MKRN2OS: variants seen among roughly 807,000 people sequenced by gnomAD.
MKRN2OS encodes the protein MKRN2 opposite strand, also known as MKRN2 opposite strand protein.
Under a neutral mutation model 18.2 loss-of-function variants are expected in MKRN2OS, and 17 were observed. The ratio of observed to expected loss-of-function variants is 0.93; its 90% confidence interval spans 0.64 to 1.40. MKRN2OS has a LOEUF of 1.40. MKRN2OS is among the 40% of genes most tolerant of loss of function. MKRN2OS has a pLI of 0.00. For missense variants in MKRN2OS, 337 were observed against 283.0 expected (o/e 1.19, Z -1.37); for synonymous variants, 121 against 108.5 (o/e 1.12, Z -0.72).
chr3:12,544,604 C>T (rs1575504945), intron 1 of MKRN2OS, among the ~76,000 whole-genome samples: 2 of 151,984 alleles, frequency 1.3e-5, no homozygotes, highest in Admixed American at 1.3e-4. Context: ...ATCGCTTGAA[C>T]CCGGGAGGTG....
downstream of MKRN2OS, among the ~76,000 whole-genome samples, chr3:12,552,183 G>T (rs2057934649): frequency 6.6e-6 from 1 of 151,682 alleles, no homozygotes; most frequent in African/African-American, 2.4e-5. Context: ...GCTGGGCGGG[G>T]TGGTGGGCGC....
At position 12,558,127 on chromosome 3, in the gene MKRN2OS, AAC is replaced by A. The variant is rs2057998966; in HGVS notation, n.264+2628_264+2629del. ...AAACAGTTATAGAGTTTGTGTAATA[AAC>A]AGTTTATTTTCTATGTTGTTACTTC... On this transcript the variant is annotated intron_variant and non_coding_transcript_variant, in intron 1 of 1. Coordinates refer to the MKRN2OS transcript ENST00000447550. Among the ~76,000 whole-genome samples, 6 of 152,350 alleles carry A rather than the reference AAC, an allele frequency of 3.9e-5. No individual in the cohort carries two copies. The South Asian group carries it at 1.2e-3, about 32-fold the overall frequency.
In MKRN2OS at chr3:12,542,040, A is replaced by T. The variant is rs984808637; in HGVS notation, c.269-18T>A. 16 of 1,526,696 alleles carry T rather than the reference A, an allele frequency of 1.0e-5. No homozygotes were observed. In the African/African-American group the frequency reaches 1.6e-4, roughly 16 times the overall value. The allele number at this position is 1,526,696 out of a possible 1,614,324, so 94.6% of individuals were successfully genotyped here. A position where few individuals can be genotyped will look rare whatever the true frequency, so the allele number is the denominator to read the frequency against. Reference sequence around the variant, plus strand: ...CACAACCCCTGCAAATCAAAACCAAAGTCATGTGGAGCCCCAAGGAAACAC... The same window carrying T: ...CACAACCCCTGCAAATCAAAACCAATGTCATGTGGAGCCCCAAGGAAACAC... On this transcript the variant is annotated intron_variant, in intron 2 of 3. Coordinates refer to ENST00000564146, the MANE Select transcript of MKRN2OS (RefSeq NM_001195279.2).
At chr3:12,551,880 G>A (rs1201845152), downstream of MKRN2OS, among the ~76,000 whole-genome samples, 1 of 151,844 alleles carries the variant, frequency 6.6e-6, no homozygotes, top group Non-Finnish European at 1.5e-5. Flanking sequence ...GGAGGTGGAG[G>A]TTGCAGAGTT....
intron 1 of MKRN2OS, among the ~76,000 whole-genome samples, chr3:12,554,588 AC>A (rs1335334741): frequency 2.0e-5 from 3 of 152,074 alleles, no homozygotes; most frequent in African/African-American, 7.2e-5. Context: ...ATTTGCACAG[AC>A]ACCCTAAAGG....
chr3:12,559,427 G>A (rs1329372485), intron 1 of MKRN2OS, among the ~76,000 whole-genome samples: 1 of 152,000 alleles, frequency 6.6e-6, no homozygotes, highest in Admixed American at 6.6e-5. Flanking sequence ...TTTTTTGTGG[G>A]TTTTGTTTGT....
intron 1 of MKRN2OS, among the ~76,000 whole-genome samples, chr3:12,556,355 A>C (rs1280806733): frequency 2.9e-5 from 4 of 137,868 alleles, no homozygotes; most frequent in Non-Finnish European, 6.1e-5. Context: ...CCGTCTCAAA[A>C]AAATAAAAAA....
rs187764314 is a variant in MKRN2OS, at chr3:12,540,445, G to C, written c.432-12C>G. Reference sequence around the variant, plus strand: ...GGTTGTCTTCATACCTTATGGAGGAGAATAAGGGTGTTGAGAAGAAAAGGC... The same window carrying C: ...GGTTGTCTTCATACCTTATGGAGGACAATAAGGGTGTTGAGAAGAAAAGGC... On this transcript the variant is annotated splice_polypyrimidine_tract_variant and intron_variant, in intron 3 of 3. Coordinates refer to ENST00000564146, the MANE Select transcript of MKRN2OS (RefSeq NM_001195279.2). 657 of 1,536,012 alleles carry C rather than the reference G, an allele frequency of 4.3e-4. No homozygotes were observed. Among genetic ancestry groups the C allele is most frequent in the Non-Finnish European group, 5.4e-4 (616 of 1,146,808 alleles).
Position 12,540,164 on chromosome 3 carries a change from C to T in MKRN2OS, c.*29G>A, listed in dbSNP as rs1428114615. The T allele has an allele frequency of 3.3e-6, 5 of 1,535,802 alleles. No homozygotes were observed. In the East Asian group the frequency reaches 7.3e-5, roughly 23 times the overall value. On this transcript the variant is annotated 3_prime_UTR_variant, in exon 4 of 4. Coordinates refer to ENST00000564146, the MANE Select transcript of MKRN2OS (RefSeq NM_001195279.2). Reference sequence around the variant, plus strand: ...TTAAAGGTAGCAACCACCCTACCCTCCAGCGTCCAGGCTGCGCTTACATAG... The same window carrying T: ...TTAAAGGTAGCAACCACCCTACCCTTCAGCGTCCAGGCTGCGCTTACATAG...
At chr3:12,547,759 G>T (rs2057896752), upstream of MKRN2OS, among the ~76,000 whole-genome samples, 1 of 152,090 alleles carries the variant, frequency 6.6e-6, no homozygotes, top group African/African-American at 2.4e-5. Context: ...CACAGAGAAG[G>T]TGTCATGGCA....
chr3:12,543,105 T>A, intron 2 of MKRN2OS, 75 bp downstream of exon 2: 1 of 1,226,748 alleles, frequency 8.2e-7, no homozygotes, highest in Non-Finnish European at 1.1e-6. Context: ...GATGTTGCCA[T>A]AATCAAATCT....
chr3:12,541,995 C>G lies in MKRN2OS; in HGVS notation c.296G>C (p.Gly99Ala). The change falls in exon 3 of 4, where the codon GGT (glycine) becomes GCT (alanine). Residue 99 changes from glycine to alanine, a missense_variant. Coordinates refer to ENST00000564146, the MANE Select transcript of MKRN2OS (RefSeq NM_001195279.2). ...CCACCCTTCTCCGTCTCGCTGGACA[C>G]CATGTGCACTGTAATTATACACAAC... Reference protein sequence around the residue: ...NGVVYNYSAHGVQRDGEGWEE... With the variant: ...NGVVYNYSAHAVQRDGEGWEE... 6 of 1,535,894 alleles carry G rather than the reference C, an allele frequency of 3.9e-6. No homozygotes were observed. Among genetic ancestry groups the G allele is most frequent in the Non-Finnish European group, 5.2e-6 (6 of 1,146,808 alleles).
chr3:12,544,403 C>T (rs1559381199), intron 1 of MKRN2OS, among the ~76,000 whole-genome samples: 1 of 152,172 alleles, frequency 6.6e-6, no homozygotes, highest in Non-Finnish European at 1.5e-5. Flanking sequence ...TGGCGGGGCA[C>T]AGTGGCTGAT....
intron 1 of MKRN2OS, among the ~76,000 whole-genome samples, chr3:12,556,222 G>C (rs940918716): frequency 6.6e-6 from 1 of 152,044 alleles, no homozygotes; most frequent in Admixed American, 6.6e-5. Flanking sequence ...AGGCGTGCAC[G>C]CCTGTAATTC....
chr3:12,547,782 T>A (rs952042603), upstream of MKRN2OS, among the ~76,000 whole-genome samples: 3 of 152,050 alleles, frequency 2.0e-5, no homozygotes, highest in African/African-American at 7.2e-5. Context: ...TAAAGGCACT[T>A]CAGGAGGGTT....
chr3:12,552,981 A>G (rs968774768), downstream of MKRN2OS, among the ~76,000 whole-genome samples: 12 of 140,872 alleles, frequency 8.5e-5, no homozygotes, highest in South Asian at 2.7e-3. Flanking sequence ...ACACCACGGC[A>G]CTCCAGCCTG....
upstream of MKRN2OS, among the ~76,000 whole-genome samples, chr3:12,549,990 G>C (rs1378438763): frequency 2.0e-5 from 3 of 152,148 alleles, no homozygotes; most frequent in Non-Finnish European, 4.4e-5. Flanking sequence ...TCTCATTGCT[G>C]GTGGGAATGC....
chr3:12,541,838 G>A (rs1323937211), intron 3 of MKRN2OS, 22 bp downstream of exon 3: 2 of 1,531,730 alleles, frequency 1.3e-6, no homozygotes, highest in South Asian at 1.2e-5. Flanking sequence ...TCAGCGAGGG[G>A]GCAGCATTTG....
intron 3 of MKRN2OS, 52 bp from the exon 4 acceptor site, chr3:12,540,485 T>A (rs2057782113): frequency 6.5e-7 from 1 of 1,533,354 alleles, no homozygotes; most frequent in Non-Finnish European, 8.7e-7. Context: ...CAGAACAGGC[T>A]GTCAAGCTAC....
Sources: allele counts gnomAD v4.1 joint callset (sites outside exome capture counted in the v4.1 genomes callset), GRCh38; gene constraint gnomAD v4.1.1; transcripts MANE v1.5; gene names NCBI Gene and HGNC (gene_info 2026-07-23, HGNC 2026-07-21).